Variants in PPP2R2C observed in about 807,000 individuals in gnomAD.
The protein encoded by PPP2R2C is protein phosphatase 2 regulatory subunit Bgamma, also known as protein phosphatase 2, regulatory subunit B, gamma.
PPP2R2C carries 10 observed loss-of-function variants against 45.3 expected under a neutral mutation model. The observed-to-expected ratio is 0.22, with a 90% CI of 0.14 to 0.37. PPP2R2C has a LOEUF of 0.37. Among genes scored for constraint, PPP2R2C ranks in the 10% least tolerant of loss-of-function variants. The probability of loss-of-function intolerance (pLI) is 1.00; values close to 1 mark genes in which losing one functional copy is unlikely to be tolerated. For synonymous variants in PPP2R2C, 257 were observed against 245.4 expected, an observed-to-expected ratio of 1.05 and a Z score of -0.44; for missense variants, 308 against 619.7, an observed-to-expected ratio of 0.50 and a Z score of 5.34.
intron 1 of PPP2R2C, among the ~76,000 whole-genome samples, chr4:6,461,953 C>T (rs1232505763): frequency 6.6e-6 from 1 of 152,230 alleles, no homozygotes; most frequent in East Asian, 1.9e-4. Flanking sequence ...TGCACCATCT[C>T]ATTCAACACC....
At chr4:6,509,482 A>AAT (rs1553905294) in intron 2 of PPP2R2C, among the ~76,000 whole-genome samples, 3 of 152,166 alleles carry the variant, frequency 2.0e-5, no homozygotes, top group African/African-American at 7.2e-5. Flanking sequence ...TGGCAAAAAA[A>AAT]AAATAAATAA....
chr4:6,463,944 C>G (rs1048094243), intron 1 of PPP2R2C, among the ~76,000 whole-genome samples: 2 of 152,212 alleles, frequency 1.3e-5, no homozygotes, highest in Non-Finnish European at 2.9e-5. Context: ...AAGTGTGGTG[C>G]ATAATCAGAA....
rs141809877 is a variant in PPP2R2C at position 6,537,620 on chromosome 4, G to A, written c.-58-2243C>T. Among the ~76,000 whole-genome samples the A allele has an allele frequency of 5.7e-3, 844 of 148,072 alleles. 11 individuals are homozygous for A. Among genetic ancestry groups the A allele is most frequent in the African/African-American group, 0.02 (788 of 39,906 alleles). Reference sequence around the variant, plus strand: ...GGCTGGAGTGCAGTGGTGCCATCTCGGCTCACTGTAAGCTCCGCCTCCCAG... The same window carrying A: ...GGCTGGAGTGCAGTGGTGCCATCTCAGCTCACTGTAAGCTCCGCCTCCCAG... On this transcript the variant is annotated intron_variant, in intron 1 of 9. Transcript: ENST00000506140.
chr4:6,466,579 T>C (rs890315477), intron 1 of PPP2R2C, among the ~76,000 whole-genome samples: 1 of 152,152 alleles, frequency 6.6e-6, no homozygotes. Context: ...GCTGAGAGTA[T>C]GTCCCTCTGC....
At chr4:6,506,104 C>T (rs1672290650) in intron 2 of PPP2R2C, among the ~76,000 whole-genome samples, 1 of 152,190 alleles carries the variant, frequency 6.6e-6, no homozygotes, top group Non-Finnish European at 1.5e-5. Flanking sequence ...CATGATCCTA[C>T]TCACATGACC....
At chr4:6,370,498 T>C (rs1714717475) in intron 5 of PPP2R2C, among the ~76,000 whole-genome samples, 1 of 151,494 alleles carries the variant, frequency 6.6e-6, no homozygotes, top group South Asian at 2.1e-4. Flanking sequence ...GGTACAGGAG[T>C]CCGGCCTGGC....
intron 5 of PPP2R2C, among the ~76,000 whole-genome samples, chr4:6,354,236 G>A (rs987944547): frequency 1.3e-5 from 2 of 151,550 alleles, no homozygotes; most frequent in African/African-American, 2.4e-5. Context: ...CCACCCCACC[G>A]AGGAGGTCGG....
At chr4:6,508,314 C>T (rs967522813) in intron 2 of PPP2R2C, among the ~76,000 whole-genome samples, 9 of 152,266 alleles carry the variant, frequency 5.9e-5, no homozygotes, top group Non-Finnish European at 8.8e-5. Flanking sequence ...GGGCCAGGTG[C>T]GGTGGCTCAC....
At position 6,513,429 on chromosome 4, in the gene PPP2R2C, G is replaced by A. The variant is rs554345201; in HGVS notation, c.49+21842C>T. Among the ~76,000 whole-genome samples, 410 of 152,288 alleles carry A rather than the reference G, an allele frequency of 2.7e-3. 1 individual carries two copies. Among genetic ancestry groups the A allele is most frequent in the African/African-American group, 9.2e-3 (381 of 41,552 alleles). On this transcript the variant is annotated intron_variant, in intron 2 of 9. Transcript: ENST00000506140. ...GACAGTGTGTGTCTGGGGAGCCCCA[G>A]AGAAGGGTCCTCCCAGGGGTGGAAC...
rs377692263 is a variant in PPP2R2C at position 6,453,111 on chromosome 4, G to A, written c.70+19049C>T. 6.6e-5 allele frequency among the ~76,000 whole-genome samples: 10 copies of A among 152,278 alleles called. No homozygotes were observed. The South Asian group carries it at 8.3e-4, about 13-fold the overall frequency. On this transcript the variant is annotated intron_variant, in intron 1 of 8. Coordinates refer to ENST00000382599, the MANE Select transcript of PPP2R2C (RefSeq NM_020416.4). ...CATAAAGATGAGCAGGTGCGGGGCC[G>A]TTCCTGAGCATCGGATACACCTAAC...
At chr4:6,385,930 C>T (rs1716175745) in intron 1 of PPP2R2C, among the ~76,000 whole-genome samples, 2 of 152,186 alleles carry the variant, frequency 1.3e-5, no homozygotes, top group Middle Eastern at 3.2e-3. Flanking sequence ...CTGCATGGTG[C>T]TGTCTGTGTC....
At chr4:6,503,304 A>C (rs796604043) in intron 2 of PPP2R2C, among the ~76,000 whole-genome samples, 1 of 152,120 alleles carries the variant, frequency 6.6e-6, no homozygotes, top group Admixed American at 6.5e-5. Flanking sequence ...TGTTGCTCAG[A>C]TATGCACACA....
At chr4:6,350,849 G>T in intron 5 of PPP2R2C, 1 of 985,384 alleles carries the variant, frequency 1.0e-6, no homozygotes, top group Non-Finnish European at 1.2e-6. Context: ...AGCCTGTGAC[G>T]GCCACACTTG....
chr4:6,444,735 C>T (rs150206871), intron 1 of PPP2R2C, among the ~76,000 whole-genome samples: 7 of 152,330 alleles, frequency 4.6e-5, no homozygotes, highest in South Asian at 2.1e-4. Context: ...CGCTTCCAAG[C>T]GATGCCTGGC....
intron 1 of PPP2R2C, among the ~76,000 whole-genome samples, chr4:6,462,709 G>A (rs1047761361): frequency 6.6e-6 from 1 of 152,202 alleles, no homozygotes; most frequent in African/African-American, 2.4e-5. Context: ...GATATGTTTT[G>A]TGAGGTGGGA....
chr4:6,399,824 C>T (rs16838721), intron 1 of PPP2R2C, among the ~76,000 whole-genome samples: 1 of 152,184 alleles, frequency 6.6e-6, no homozygotes, highest in African/African-American at 2.4e-5. Context: ...AGCCGACAGA[C>T]AGTCAAATGC....
At chr4:6,537,790 T>C (rs927161521) in intron 1 of PPP2R2C, among the ~76,000 whole-genome samples, 6 of 152,176 alleles carry the variant, frequency 3.9e-5, no homozygotes, top group African/African-American at 1.4e-4. Flanking sequence ...GACCTCGTGA[T>C]CCACCTGCCT....
At position 6,335,487 on chromosome 4, in the gene PPP2R2C, C is replaced by A. The variant is rs1021608122; in HGVS notation, c.791-1756G>T. On this transcript the variant is annotated intron_variant, in intron 6 of 8. Coordinates refer to ENST00000382599, the MANE Select transcript of PPP2R2C (RefSeq NM_020416.4). ...AAGGAGTGAGCAGGGGGAACAGGGA[C>A]GCAAGGGGCCACCCACGCAGGATCT... Among the ~76,000 whole-genome samples, 4 of 152,026 alleles carry A rather than the reference C, an allele frequency of 2.6e-5. No individual in the cohort carries two copies. In the East Asian group the frequency reaches 7.7e-4, roughly 29 times the overall value.
In PPP2R2C at chr4:6,352,153, G is replaced by T. The variant is rs189229069; in HGVS notation, c.626-4143C>A. Among the ~76,000 whole-genome samples, 20 of 152,258 alleles carry T rather than the reference G, an allele frequency of 1.3e-4. No homozygotes were observed. The East Asian group carries it at 3.9e-3, about 29-fold the overall frequency. On this transcript the variant is annotated intron_variant, in intron 5 of 8. Coordinates refer to ENST00000382599, the MANE Select transcript of PPP2R2C (RefSeq NM_020416.4). ...AGCATTTGGCCCAGTGACCACACTC[G>T]GTGGCTTTAACTTAGGCAGGACCAG... is the stretch of plus-strand genomic sequence containing the variant.
Sources: allele counts gnomAD v4.1 joint callset (sites outside exome capture counted in the v4.1 genomes callset), GRCh38; gene constraint gnomAD v4.1.1; transcripts MANE v1.5; gene names NCBI Gene and HGNC (gene_info 2026-07-23, HGNC 2026-07-21).